Variants in TBCA observed in about 807,000 individuals in gnomAD.
TBCA encodes the protein tubulin folding cofactor A.
A neutral mutation model predicts 15.8 loss-of-function variants in TBCA; 6 were observed. That is an observed-to-expected ratio of 0.38 (90% CI 0.21 to 0.75). The LOEUF is 0.75. Among genes scored for constraint, TBCA ranks in the 30% least tolerant of loss-of-function variants. The probability of loss-of-function intolerance (pLI) is 0.46; values close to 1 mark genes in which losing one functional copy is unlikely to be tolerated. For missense variants in TBCA, 90 were observed against 131.2 expected (o/e 0.69, Z 1.53); for synonymous variants, 32 against 42.3 (o/e 0.76, Z 0.94).
chr5:77,712,825 T>C (rs944978162), intron 1 of TBCA, among the ~76,000 whole-genome samples: 3 of 152,154 alleles, frequency 2.0e-5, no homozygotes, highest in African/African-American at 7.2e-5. Context: ...CTAGATGCTA[T>C]TATGGAAATA....
At chr5:77,738,315 T>A (rs1746955172) in intron 1 of TBCA, among the ~76,000 whole-genome samples, 1 of 152,226 alleles carries the variant, frequency 6.6e-6, no homozygotes, top group Non-Finnish European at 1.5e-5. Context: ...ATTGAGAAGA[T>A]TAACTTGCCT....
intron 1 of TBCA, among the ~76,000 whole-genome samples, chr5:77,731,711 A>C (rs1378618222): frequency 6.6e-6 from 1 of 151,822 alleles, no homozygotes; most frequent in Non-Finnish European, 1.5e-5. Flanking sequence ...CTTTTTCCCC[A>C]TTTTTGCTAT....
chr5:77,705,308 TA>T (rs1746124765), intron 2 of TBCA, among the ~76,000 whole-genome samples: 2 of 151,996 alleles, frequency 1.3e-5, no homozygotes, highest in Admixed American at 1.3e-4. Context: ...AGAAAAAGAC[TA>T]AATGAGGTCA....
chr5:77,768,708 C>A (rs1747839906), intron 1 of TBCA, among the ~76,000 whole-genome samples: 1 of 152,088 alleles, frequency 6.6e-6, no homozygotes, highest in African/African-American at 2.4e-5. Flanking sequence ...AATGAGTGAT[C>A]TTTAGTTAGA....
chr5:77,720,710 TC>T lies in TBCA; in HGVS notation c.54-12364del, dbSNP rs540760504. ...GCCTGGGTCAGAGAGTGAGACTCCA[TC>T]TCAAAAAAATAAAAAAATTAAAAAG... is the stretch of plus-strand genomic sequence containing the variant. On this transcript the variant is annotated intron_variant, in intron 1 of 3. Coordinates refer to ENST00000380377, the MANE Select transcript of TBCA (RefSeq NM_004607.3). Among the ~76,000 whole-genome samples the T allele has an allele frequency of 3.9e-3, 586 of 152,206 alleles. 4 individuals are homozygous for T. The highest frequency in any genetic ancestry group is 0.012 in the African/African-American group (495 of 41,522).
intron 1 of TBCA, among the ~76,000 whole-genome samples, chr5:77,714,319 C>A (rs1746348867): frequency 6.6e-6 from 1 of 151,248 alleles, no homozygotes; most frequent in Non-Finnish European, 1.5e-5. Flanking sequence ...GACTCCATCT[C>A]AAAAAAACAA....
intron 1 of TBCA, among the ~76,000 whole-genome samples, chr5:77,727,406 A>G (rs1424884869): frequency 6.6e-6 from 1 of 152,182 alleles, no homozygotes; most frequent in African/African-American, 2.4e-5. Flanking sequence ...CATCACATGC[A>G]TGTATATCTA....
At chr5:77,747,832 T>A (rs1257147536) in intron 1 of TBCA, among the ~76,000 whole-genome samples, 1 of 152,162 alleles carries the variant, frequency 6.6e-6, no homozygotes, top group African/African-American at 2.4e-5. Flanking sequence ...TAGATTTGTA[T>A]TGAAAAATGT....
At chr5:77,716,339 T>C (rs1233602007) in intron 1 of TBCA, among the ~76,000 whole-genome samples, 1 of 152,204 alleles carries the variant, frequency 6.6e-6, no homozygotes, top group Non-Finnish European at 1.5e-5. Flanking sequence ...CATCAACAAA[T>C]CTGCTCTCCT....
chr5:77,774,210 A>G (rs1747971776), intron 1 of TBCA, among the ~76,000 whole-genome samples: 1 of 152,352 alleles, frequency 6.6e-6, no homozygotes, highest in Non-Finnish European at 1.5e-5. Flanking sequence ...CAGGACAGAT[A>G]GCGGGATCTG....
At chr5:77,706,143 CTGAGT>C (rs1746144794) in intron 2 of TBCA, among the ~76,000 whole-genome samples, 2 of 152,136 alleles carry the variant, frequency 1.3e-5, no homozygotes, top group Admixed American at 6.5e-5. Context: ...TGAATAAAGC[CTGAGT>C]TAAGTGTGAT....
chr5:77,733,608 T>C (rs1320651051), intron 1 of TBCA, among the ~76,000 whole-genome samples: 1 of 152,138 alleles, frequency 6.6e-6, no homozygotes, highest in Non-Finnish European at 1.5e-5. Context: ...GGGAGCTGCA[T>C]AAGAAAAGCA....
chr5:77,701,234 A>C (rs1746005050), intron 2 of TBCA, among the ~76,000 whole-genome samples: 1 of 152,186 alleles, frequency 6.6e-6, no homozygotes, highest in Non-Finnish European at 1.5e-5. Context: ...AAACAATCCC[A>C]TCAAAAAGTG....
At chr5:77,701,065 C>CT (rs1746000929) in intron 2 of TBCA, among the ~76,000 whole-genome samples, 1 of 151,988 alleles carries the variant, frequency 6.6e-6, no homozygotes, top group African/African-American at 2.4e-5. Flanking sequence ...AGATAAATAG[C>CT]TGGGACTTAA....
intron 1 of TBCA, among the ~76,000 whole-genome samples, chr5:77,750,656 C>CA (rs1214762589): frequency 6.6e-6 from 1 of 152,150 alleles, no homozygotes; most frequent in Non-Finnish European, 1.5e-5. Context: ...ATTTGGCCAA[C>CA]AATATCACCT....
intron 1 of TBCA, among the ~76,000 whole-genome samples, chr5:77,775,964 TC>T (rs1464437927): frequency 6.6e-6 from 1 of 152,108 alleles, no homozygotes; most frequent in African/African-American, 2.4e-5. Context: ...CGCCGACTCT[TC>T]CGGCAAATCA....
intron 1 of TBCA, among the ~76,000 whole-genome samples, chr5:77,768,685 A>G (rs1317311146): frequency 1.3e-5 from 2 of 152,218 alleles, no homozygotes; most frequent in African/African-American, 4.8e-5. Context: ...GTAGGTTCTG[A>G]GTGAGGCTGC....
chr5:77,770,172 G>A (rs1277038845), intron 1 of TBCA, among the ~76,000 whole-genome samples: 1 of 151,956 alleles, frequency 6.6e-6, no homozygotes, highest in Non-Finnish European at 1.5e-5. Flanking sequence ...AATCCCACTT[G>A]GAAACTTTTT....
At chr5:77,738,164 G>T (rs1408375108) in intron 1 of TBCA, among the ~76,000 whole-genome samples, 4 of 152,138 alleles carry the variant, frequency 2.6e-5, no homozygotes, top group Non-Finnish European at 5.9e-5. Flanking sequence ...CACATTTAAT[G>T]GGGCTTTTTA....
Sources: allele counts gnomAD v4.1 joint callset (sites outside exome capture counted in the v4.1 genomes callset), GRCh38; gene constraint gnomAD v4.1.1; transcripts MANE v1.5; gene names NCBI Gene and HGNC (gene_info 2026-07-23, HGNC 2026-07-21).